VIPR2: variants seen among roughly 807,000 people sequenced by gnomAD.
VIPR2 encodes vasoactive intestinal peptide receptor 2.
VIPR2 carries 48 observed loss-of-function variants against 58.0 expected under a neutral mutation model. The ratio of observed to expected loss-of-function variants is 0.83; its 90% CI spans 0.66 to 1.05. The LOEUF is 1.05. Ranked by LOEUF, VIPR2 falls within the 50% of genes least tolerant of loss-of-function variation. The pLI is 0.00. For missense variants in VIPR2, 534 were observed against 558.0 expected, an observed-to-expected ratio of 0.96 and a Z score of 0.43; for synonymous variants, 243 against 235.2, an observed-to-expected ratio of 1.03 and a Z score of -0.30.
At chr7:159,034,134 G>A in intron 10 of VIPR2, 79 bp downstream of exon 10, 1 of 1,454,012 alleles carries the variant, frequency 6.9e-7, no homozygotes, top group Non-Finnish European at 9.6e-7. Context: ...CACCTCCAGG[G>A]CCTTCCTGGC....
At position 159,103,839 on chromosome 7, in the gene VIPR2, T is replaced by C. The variant is rs745651434; in HGVS notation, c.275A>G (p.Asn92Ser). 6.2e-7 allele frequency: 1 copy of C among 1,614,072 alleles called. No homozygotes were observed. Among genetic ancestry groups the C allele is most frequent in the South Asian group, 1.1e-5 (1 of 91,084 alleles). ...CTCTGACCATCCGTCACTCGTACAGTTTTTGCTTATGTTTCCTGGAAAGTG... is the reference window on the plus strand; with the variant it reads ...CTCTGACCATCCGTCACTCGTACAGCTTTTGCTTATGTTTCCTGGAAAGTG... The part of the protein sequence containing the change: ...FYSKAGNISK[N>S]CTSDGWSETF... The change falls in exon 4 of 13, where the codon AAC (asparagine) becomes AGC (serine). Residue 92 changes from asparagine to serine, a missense_variant. Asn to Ser is a conservative substitution (Grantham distance 46). Coordinates refer to ENST00000262178, the MANE Select transcript of VIPR2 (RefSeq NM_003382.5).
chr7:159,144,546 C>T (rs1474479288), intron 1 of VIPR2, 175 bp downstream of exon 1: 26 of 1,489,618 alleles, frequency 1.7e-5, no homozygotes, highest in African/African-American at 2.9e-5. Context: ...GAGCTCAGCG[C>T]TTCACGCTCT....
At chr7:159,061,845 G>C (rs888531285) in intron 4 of VIPR2, among the ~76,000 whole-genome samples, 3 of 152,072 alleles carry the variant, frequency 2.0e-5, no homozygotes, top group African/African-American at 4.8e-5. Flanking sequence ...GATCAAGCTC[G>C]GTGCGCGGCT....
chr7:159,101,837 A>G (rs1858277611), intron 4 of VIPR2, among the ~76,000 whole-genome samples: 1 of 134,170 alleles, frequency 7.5e-6, no homozygotes, highest in Non-Finnish European at 1.5e-5. Flanking sequence ...GTGGTAGTGA[A>G]CGGGTCTCAC....
chr7:159,105,968 C>T (rs55950988), intron 3 of VIPR2, among the ~76,000 whole-genome samples: 25,844 of 152,220 alleles, frequency 0.17, 2,249 homozygotes, highest in Non-Finnish European at 0.17. Flanking sequence ...CCTGACACCA[C>T]AGGAGGCAGC....
chr7:159,053,850 A>AT (rs1472945850), intron 5 of VIPR2, among the ~76,000 whole-genome samples: 4 of 152,362 alleles, frequency 2.6e-5, no homozygotes, highest in African/African-American at 9.6e-5. Context: ...AACCAGCCTG[A>AT]TTTTTTAAAA....
Position 159,084,264 on chromosome 7 carries a change from G to A in VIPR2, c.357+19493C>T, listed in dbSNP as rs976324325. Among the ~76,000 whole-genome samples, 3 of 152,370 alleles carry A rather than the reference G, an allele frequency of 2.0e-5. No individual in the cohort carries two copies. In the South Asian group the frequency reaches 6.2e-4, roughly 32 times the overall value. ...GCAGTGGACTCTTGGCAGGCCGCAC[G>A]AGGTGTGGGCGGGAGGATGAGAGTG... On this transcript the variant is annotated intron_variant, in intron 4 of 12. Transcript: ENST00000262178.
Position 159,135,004 on chromosome 7 carries a change from G to GTT in VIPR2, c.151+7440_151+7441dup, listed in dbSNP as rs747914292. ...TATTGGTCTTCTCTTAATTACAAAA[G>GTT]TTTTTTTTTTTTTTTTTTTTTTTTT... On this transcript the variant is annotated intron_variant, in intron 2 of 12. Transcript: ENST00000262178. 2.4e-3 allele frequency among the ~76,000 whole-genome samples: 159 copies of GTT among 65,940 alleles called. 11 individuals are homozygous for GTT. Among genetic ancestry groups the GTT allele is most frequent in the African/African-American group, 5.4e-3 (83 of 15,388 alleles). 43.3% of individuals were successfully genotyped at this position (65,940 alleles called of 152,430 possible).
intron 4 of VIPR2, among the ~76,000 whole-genome samples, chr7:159,082,941 G>A (rs1856986804): frequency 6.6e-6 from 1 of 152,202 alleles, no homozygotes; most frequent in Non-Finnish European, 1.5e-5. Context: ...CTAATTACAT[G>A]CAAATGAGGC....
intron 2 of VIPR2, among the ~76,000 whole-genome samples, chr7:159,137,133 T>C (rs1366465230): frequency 2.6e-5 from 4 of 152,050 alleles, no homozygotes; most frequent in Non-Finnish European, 4.4e-5. Flanking sequence ...GCAGCTCACC[T>C]CAAGGGGCCG....
intron 6 of VIPR2, 73 bp from the exon 7 acceptor site, chr7:159,036,975 C>T (rs1854007209): frequency 2.0e-6 from 3 of 1,533,710 alleles, no homozygotes; most frequent in Admixed American, 3.7e-5. Flanking sequence ...GGCAGTGCCG[C>T]TCCAGGACAC....
At position 159,103,826 on chromosome 7, in the gene VIPR2, G is replaced by A. The variant is rs2270313; in HGVS notation, c.288C>T (p.Asp96=). 381,580 of 1,612,800 alleles carry A rather than the reference G, an allele frequency of 0.24. 46,439 individuals are homozygous for A. The highest frequency in any genetic ancestry group is 0.31 in the African/African-American group (22,865 of 74,920). Residue 96 remains aspartate, a synonymous_variant, in exon 4 of 13, where the codon GAC becomes GAT. Transcript: ENST00000262178. ...AGNISKNCTS[D]GWSETFPDFV... is the part of the protein sequence containing the mutation. ...AATCTGGGAACGTCTCTGACCATCCGTCACTCGTACAGTTTTTGCTTATGT... is the reference window on the plus strand; with the variant it reads ...AATCTGGGAACGTCTCTGACCATCCATCACTCGTACAGTTTTTGCTTATGT...
At chr7:159,135,031 A>ATTTTTTATTTTTT (rs1491429443) in intron 2 of VIPR2, among the ~76,000 whole-genome samples, 9 of 105,298 alleles carry the variant, frequency 8.5e-5, no homozygotes, top group African/African-American at 3.4e-4. Flanking sequence ...TTTTTTTTTT[A>ATTTTTTATTTTTT]ACATTTTAAG....
At chr7:159,034,155 TCTC>T in intron 10 of VIPR2, 55 bp downstream of exon 10, 1 of 1,554,180 alleles carries the variant, frequency 6.4e-7, no homozygotes, top group Non-Finnish European at 8.8e-7. Context: ...AGCGTGGGGG[TCTC>T]CTGTCTCCAC....
At chr7:159,083,681 G>T (rs537228983) in intron 4 of VIPR2, among the ~76,000 whole-genome samples, 1 of 152,330 alleles carries the variant, frequency 6.6e-6, no homozygotes, top group Non-Finnish European at 1.5e-5. Context: ...GGCCAGGTCT[G>T]GTGGACACGT....
rs771162731 is a variant in VIPR2 at position 159,036,011 on chromosome 7, G to T, written c.750C>A (p.Gly250=). ...ATGCACCGATGCAGACGGTGGGGAG[G>T]CCTGCAGAGAGACGCCTGGTTACAC... The part of the protein sequence containing the change: ...CFLAYLLIGW[G]LPTVCIGAWT... The change falls in exon 8 of 13, where the codon GGC becomes GGA. Residue 250 remains glycine, a splice_region_variant and synonymous_variant. Transcript: ENST00000262178. The T allele has an allele frequency of 6.2e-7, 1 of 1,613,022 alleles. No individual in the cohort carries two copies. Among genetic ancestry groups the T allele is most frequent in the South Asian group, 1.1e-5 (1 of 90,896 alleles).
intron 5 of VIPR2, among the ~76,000 whole-genome samples, chr7:159,049,708 G>A (rs1008986727): frequency 6.6e-6 from 1 of 152,212 alleles, no homozygotes; most frequent in African/African-American, 2.4e-5. Context: ...CGAGTACTTG[G>A]GGGAAATGCC....
At position 159,031,133 on chromosome 7, in the gene VIPR2, C is replaced by T. The variant is rs908280535; in HGVS notation, c.1144-344G>A. Among the ~76,000 whole-genome samples the T allele has an allele frequency of 8.5e-5, 13 of 152,090 alleles. No homozygotes were observed. Among genetic ancestry groups the T allele is most frequent in the African/African-American group, 1.7e-4 (7 of 41,406 alleles). On this transcript the variant is annotated intron_variant, in intron 12 of 12. Coordinates refer to ENST00000262178, the MANE Select transcript of VIPR2 (RefSeq NM_003382.5). The surrounding 1 kb of genome is among the most constrained non-coding windows in gnomAD (Gnocchi z 4.0). The stretch of plus-strand genomic sequence containing the variant: ...CGGGGTTGTGACGGTGCTGGGCCTC[C>T]GTCTCCTTCCCTGTTCCCAGCGGGC...
intron 4 of VIPR2, among the ~76,000 whole-genome samples, chr7:159,075,687 G>A (rs1268280292): frequency 9.4e-5 from 14 of 149,604 alleles, no homozygotes; most frequent in Non-Finnish European, 1.8e-4. Context: ...GCCCAGGGCT[G>A]GCACCACAGA....
Sources: gnomAD v4.1 joint callset for allele counts (sites outside exome capture counted in the v4.1 genomes callset) on GRCh38, gnomAD v4.1.1 for gene constraint, Gnocchi (gnomAD v3.1) non-coding constraint, MANE v1.5 for transcripts, NCBI Gene and HGNC (gene_info 2026-07-23, HGNC 2026-07-21) for gene names.